Variants in CHCHD5 observed in about 807,000 individuals in gnomAD.
The protein encoded by CHCHD5 is coiled-coil-helix-coiled-coil-helix domain containing 5.
In CHCHD5, 10 loss-of-function variants were observed where a neutral mutation model predicts 16.0. That is an observed-to-expected ratio of 0.63 (90% CI 0.39 to 1.06). CHCHD5 has a LOEUF of 1.06. Among genes scored for constraint, CHCHD5 ranks in the 50% least tolerant of loss-of-function variants. CHCHD5 has a pLI of 0.01. For synonymous variants in CHCHD5, 55 were observed against 56.3 expected (o/e 0.98, Z 0.10); for missense variants, 163 against 153.4 (o/e 1.06, Z -0.33).
intron 3 of CHCHD5, 147 bp downstream of exon 3, chr2:112,586,512 C>G: frequency 1.9e-6 from 3 of 1,552,212 alleles, no homozygotes; most frequent in Non-Finnish European, 2.6e-6. Flanking sequence ...TCCAGAACAT[C>G]ATCACTTCTT....
chr2:112,584,745 G>T, intron 1 of CHCHD5, 96 bp downstream of exon 1: 1 of 1,435,916 alleles, frequency 7.0e-7, no homozygotes. Context: ...ACTAGGACCA[G>T]CCTCCCTCCT....
In CHCHD5 at chr2:112,586,057, C is replaced by T; in HGVS notation, c.86C>T (p.Ser29Phe). The T allele has an allele frequency of 1.2e-6, 2 of 1,614,250 alleles. No homozygotes were observed. Among genetic ancestry groups the T allele is most frequent in the Non-Finnish European group, 1.7e-6 (2 of 1,180,042 alleles). ...CAGTGTGTGGCGGCCAAGCCGGAAT[C>T]CTGGCAGCGGGACTGTCACTACCTT... is the stretch of plus-strand genomic sequence containing the variant. ...YGQCVAAKPE[S>F]WQRDCHYLKM... The change falls in exon 2 of 4, where the codon TCC becomes TTC. Residue 29 changes from serine (S) to phenylalanine (F), a missense_variant. Transcript: ENST00000324913.
chr2:112,586,052 G>A lies in CHCHD5; in HGVS notation c.81G>A (p.Pro27=), dbSNP rs770663974. 2.5e-6 allele frequency: 4 copies of A among 1,614,126 alleles called. No individual in the cohort carries two copies. Among genetic ancestry groups the A allele is most frequent in the African/African-American group, 2.7e-5 (2 of 74,936 alleles). Residue 27 remains proline (P), a synonymous_variant, in exon 2 of 4, where the codon CCG becomes CCA. Coordinates refer to ENST00000324913, the MANE Select transcript of CHCHD5 (RefSeq NM_032309.4). The stretch of plus-strand genomic sequence containing the variant: ...ATGGCCAGTGTGTGGCGGCCAAGCC[G>A]GAATCCTGGCAGCGGGACTGTCACT... ...EQYGQCVAAK[P]ESWQRDCHYL...
intron 1 of CHCHD5, chr2:112,584,854 C>T (rs1685158142): frequency 8.1e-6 from 5 of 615,226 alleles, no homozygotes; most frequent in Middle Eastern, 2.6e-4. Flanking sequence ...GCCTCGCCCC[C>T]TCTCGCGCTG....
chr2:112,589,033 A>G lies in CHCHD5; in HGVS notation c.*144A>G. On this transcript the variant is annotated 3_prime_UTR_variant, in exon 4 of 4. Transcript: ENST00000324913. ...GACTTCCAATAAATAAAGACTCTGT[A>G]TACTGGGCTTTGATTCCTGCCATCC... The G allele has an allele frequency of 3.1e-6, 2 of 639,478 alleles. No individual in the cohort carries two copies. The highest frequency in any genetic ancestry group is 2.8e-5 in the East Asian group (1 of 35,764). 39.6% of individuals were successfully genotyped at this position (639,478 alleles called of 1,614,324 possible).
chr2:112,588,680 C>T, intron 3 of CHCHD5, 186 bp from the exon 4 acceptor site: 3 of 568,558 alleles, frequency 5.3e-6, no homozygotes, highest in African/African-American at 1.9e-5. Context: ...ATGGCGCGTT[C>T]CCTGCCTCCC....
At chr2:112,585,608 C>G (rs1685185758) in intron 1 of CHCHD5, among the ~76,000 whole-genome samples, 1 of 152,222 alleles carries the variant, frequency 6.6e-6, no homozygotes, top group Admixed American at 6.5e-5. Flanking sequence ...GACCAGAACT[C>G]CCTTTCTTTG....
intron 1 of CHCHD5, 96 bp downstream of exon 1, chr2:112,584,745 G>C (rs993405737): frequency 4.8e-5 from 69 of 1,435,798 alleles, no homozygotes; most frequent in Admixed American, 2.5e-4. Context: ...ACTAGGACCA[G>C]CCTCCCTCCT....
chr2:112,587,725 G>A (rs1313823882), intron 3 of CHCHD5: 1 of 152,076 alleles, frequency 6.6e-6, no homozygotes, highest in African/African-American at 2.4e-5. Context: ...AGACCCCTAG[G>A]GCAGAAACTA....
chr2:112,586,292 G>T lies in CHCHD5; in HGVS notation c.236G>T (p.Cys79Phe). ...CAGAACGAGGCAGCTGTGGGCAACT[G>T]TGCAGAGCATATGCGCCGCTTCCTG... ...LRQNEAAVGN[C>F]AEHMRRFLQC... is the part of the protein sequence containing the mutation. The change falls in exon 3 of 4, where the codon TGT becomes TTT. Residue 79 changes from cysteine (C) to phenylalanine (F), a missense_variant. By Grantham distance (205) the Cys-to-Phe change is radical. Transcript: ENST00000324913. The T allele has an allele frequency of 6.2e-7, 1 of 1,614,272 alleles. No individual in the cohort carries two copies. Among genetic ancestry groups the T allele is most frequent in the Non-Finnish European group, 8.5e-7 (1 of 1,180,046 alleles).
chr2:112,586,144 GGGGGTGGGCAGT>G, intron 2 of CHCHD5, 30 bp downstream of exon 2: 2 of 1,611,564 alleles, frequency 1.2e-6, no homozygotes, highest in South Asian at 1.1e-5. Context: ...AGACAGTGTG[GGGGGTGGGCAGT>G]GGGGTGGGAA....
Position 112,586,051 on chromosome 2 carries a change from C to CACAGTTGCA in CHCHD5, c.80_81insACAGTTGCA (p.Pro27_Glu28insGlnLeuGln). ...TATGGCCAGTGTGTGGCGGCCAAGC[C>CACAGTTGCA]GGAATCCTGGCAGCGGGACTGTCAC... On this transcript the variant is annotated inframe_insertion, in exon 2 of 4. Coordinates refer to ENST00000324913, the MANE Select transcript of CHCHD5 (RefSeq NM_032309.4). The CACAGTTGCA allele has an allele frequency of 6.2e-7, 1 of 1,614,172 alleles. No homozygotes were observed. Among genetic ancestry groups the CACAGTTGCA allele is most frequent in the Non-Finnish European group, 8.5e-7 (1 of 1,180,028 alleles).
At chr2:112,584,449 T>G, upstream of CHCHD5, 1 of 640,086 alleles carries the variant, frequency 1.6e-6, no homozygotes, top group Non-Finnish European at 2.8e-6. Flanking sequence ...AAGTGGCTAC[T>G]CAGGGCGCCG....
In CHCHD5 at chr2:112,586,325, C is replaced by T; in HGVS notation, c.269C>T (p.Ala90Val). The T allele has an allele frequency of 6.2e-7, 1 of 1,614,254 alleles. No homozygotes were observed. Among genetic ancestry groups the T allele is most frequent in the Non-Finnish European group, 8.5e-7 (1 of 1,180,050 alleles). Residue 90 changes from alanine to valine, a missense_variant, in exon 3 of 4, where the codon GCT becomes GTT. Transcript: ENST00000324913. The part of the protein sequence containing the change: ...AEHMRRFLQC[A>V]EQVQPPRSPA... ...CATATGCGCCGCTTCCTGCAGTGCG[C>T]TGAGCAGGTGCAGCCGCCACGCTCA...
At chr2:112,586,467 C>T (rs1685230340) in intron 3 of CHCHD5, 102 bp downstream of exon 3, 1 of 1,572,092 alleles carries the variant, frequency 6.4e-7, no homozygotes, top group African/African-American at 1.4e-5. Flanking sequence ...CAGCCCCACC[C>T]CATCACCACA....
At chr2:112,585,173 C>A (rs1685171077) in intron 1 of CHCHD5, among the ~76,000 whole-genome samples, 2 of 152,134 alleles carry the variant, frequency 1.3e-5, no homozygotes, top group Non-Finnish European at 1.5e-5. Flanking sequence ...CCCCTGGGAC[C>A]TTGAGTCCCG....
chr2:112,584,632 C>T lies in CHCHD5; in HGVS notation c.-16C>T. The T allele has an allele frequency of 6.2e-7, 1 of 1,611,846 alleles. No homozygotes were observed. Among genetic ancestry groups the T allele is most frequent in the Non-Finnish European group, 8.5e-7 (1 of 1,179,964 alleles). ...TCGTTCCCCCCGGACAGCCCTACGC[C>T]GGCAAAGGTCTCGAGATGTGAGTAG... is the stretch of plus-strand genomic sequence containing the variant. On this transcript the variant is annotated 5_prime_UTR_variant, in exon 1 of 4. Transcript: ENST00000324913.
chr2:112,585,899 A>C, intron 1 of CHCHD5, 75 bp from the exon 2 acceptor site: 1 of 1,527,942 alleles, frequency 6.5e-7, no homozygotes, highest in South Asian at 1.2e-5. Context: ...CTGTCTCTAA[A>C]AAATAAAAAA....
intron 1 of CHCHD5, among the ~76,000 whole-genome samples, chr2:112,585,343 G>C (rs1685175781): frequency 6.6e-6 from 1 of 152,166 alleles, no homozygotes; most frequent in African/African-American, 2.4e-5. Context: ...TTTCTTCTAA[G>C]GCCCCAAGTC....
Sources: allele counts gnomAD v4.1 joint callset (sites outside exome capture counted in the v4.1 genomes callset), GRCh38; gene constraint gnomAD v4.1.1; transcripts MANE v1.5; gene names NCBI Gene and HGNC (gene_info 2026-07-23, HGNC 2026-07-21).